SCRG1: variants seen among roughly 807,000 people sequenced by gnomAD.
SCRG1 encodes the protein scrapie-responsive protein 1.
Under a neutral mutation model 7.7 loss-of-function variants are expected in SCRG1, and 3 were observed. The ratio of observed to expected loss-of-function variants is 0.39; its 90% CI spans 0.18 to 1.01. The LOEUF is 1.01. Ranked by LOEUF, SCRG1 falls within the 50% of genes least tolerant of loss-of-function variation. The pLI, the probability that SCRG1 is intolerant of heterozygous loss-of-function variation, is 0.36. For missense variants in SCRG1, 110 were observed against 117.2 expected, an observed-to-expected ratio of 0.94 and a Z score of 0.28; for synonymous variants, 46 against 41.2, an observed-to-expected ratio of 1.12 and a Z score of -0.44.
chr4:173,394,516 C>T (rs1018342968), intron 1 of SCRG1, among the ~76,000 whole-genome samples: 2 of 151,978 alleles, frequency 1.3e-5, no homozygotes, highest in African/African-American at 2.4e-5. Context: ...TGGTGGCGAG[C>T]GCCTGTAGTC....
the SCRG1 span, among the ~76,000 whole-genome samples, chr4:173,493,470 A>T: frequency 6.6e-6 from 1 of 151,716 alleles, no homozygotes; most frequent in Non-Finnish European, 1.5e-5. Flanking sequence ...CCCAGTACAC[A>T]CCCTGGGTGT....
At chr4:173,444,824 A>C in the SCRG1 span, among the ~76,000 whole-genome samples, 1 of 152,116 alleles carries the variant, frequency 6.6e-6, no homozygotes, top group Non-Finnish European at 1.5e-5. Context: ...GGCTGAGAGA[A>C]TCTCCGAGAA....
At chr4:173,398,165 C>T (rs185867579) in intron 1 of SCRG1, 1 of 152,028 alleles carries the variant, frequency 6.6e-6, no homozygotes, top group East Asian at 1.9e-4. Flanking sequence ...GTGAAATTTC[C>T]CAAAGTATGT....
chr4:173,449,212 G>T, the SCRG1 span, among the ~76,000 whole-genome samples: 1 of 152,156 alleles, frequency 6.6e-6, no homozygotes, highest in Admixed American at 6.6e-5. Flanking sequence ...AGTTGTTGCA[G>T]GCATAAATAA....
the SCRG1 span, among the ~76,000 whole-genome samples, chr4:173,450,180 G>C: frequency 6.6e-6 from 1 of 152,240 alleles, no homozygotes; most frequent in East Asian, 1.9e-4. Context: ...CAAGCACAGG[G>C]GAAATTGCCA....
chr4:173,507,865 C>T, the SCRG1 span, among the ~76,000 whole-genome samples: 968 of 152,358 alleles, frequency 6.4e-3, 14 homozygotes, highest in African/African-American at 0.022. This position sits in a 1 kb window ranked among gnomAD's most constrained non-coding sequence, Gnocchi z 4.4. Flanking sequence ...ATGTGAAATA[C>T]TGTGGGAAAA....
the SCRG1 span, among the ~76,000 whole-genome samples, chr4:173,423,930 G>C: frequency 1.3e-5 from 2 of 152,082 alleles, no homozygotes; most frequent in Non-Finnish European, 2.9e-5. Flanking sequence ...AAATGCAAGA[G>C]AAAGAGAAAG....
At chr4:173,422,193 A>C in the SCRG1 span, among the ~76,000 whole-genome samples, 3 of 152,240 alleles carry the variant, frequency 2.0e-5, no homozygotes, top group African/African-American at 7.2e-5. Context: ...CTGTTACAGG[A>C]TCTGGCAAAT....
the SCRG1 span, among the ~76,000 whole-genome samples, chr4:173,485,090 ATATATT>A: frequency 5.2e-5 from 2 of 38,536 alleles, no homozygotes; most frequent in African/African-American, 1.4e-4. Context: ...ATAATATATT[ATATATT>A]ATATATTATA....
At chr4:173,410,338 A>C (rs140630903), upstream of SCRG1, among the ~76,000 whole-genome samples, 17 of 152,366 alleles carry the variant, frequency 1.1e-4, no homozygotes, top group African/African-American at 4.1e-4. Flanking sequence ...TTGGGCGTCC[A>C]TATGCACAGT....
the SCRG1 span, among the ~76,000 whole-genome samples, chr4:173,503,272 C>T: frequency 7.9e-5 from 12 of 152,288 alleles, no homozygotes; most frequent in South Asian, 2.1e-4. This position sits in a 1 kb window ranked among gnomAD's most constrained non-coding sequence, Gnocchi z 6.4. Flanking sequence ...GCTTGGGATC[C>T]GGCCAGCTTC....
At chr4:173,508,748 T>C in the SCRG1 span, among the ~76,000 whole-genome samples, 13 of 152,306 alleles carry the variant, frequency 8.5e-5, no homozygotes, top group African/African-American at 2.4e-4. The surrounding 1 kb of genome is among the most constrained non-coding windows in gnomAD (Gnocchi z 4.4). Context: ...CGCCTCATTC[T>C]AGACTTGAAG....
the SCRG1 span, among the ~76,000 whole-genome samples, chr4:173,476,380 A>ATATATATATATATATATATATATATAT: frequency 5.3e-4 from 73 of 138,488 alleles, no homozygotes; most frequent in Non-Finnish European, 8.0e-4. Context: ...ATATATATAT[A>ATATATATATATATATATATATATATAT]ATGAATTGAA....
At chr4:173,436,431 C>T in the SCRG1 span, among the ~76,000 whole-genome samples, 508 of 152,280 alleles carry the variant, frequency 3.3e-3, 3 homozygotes, top group African/African-American at 0.011. Flanking sequence ...TTCTCAAACT[C>T]GCAGAACCTG....
chr4:173,406,658 C>A (rs1338284693), upstream of SCRG1, among the ~76,000 whole-genome samples: 1 of 152,122 alleles, frequency 6.6e-6, no homozygotes, highest in Admixed American at 6.5e-5. Context: ...GAACTCCTGG[C>A]AGCCATTGAT....
chr4:173,389,300 C>A (rs1381661677), intron 2 of SCRG1, among the ~76,000 whole-genome samples: 1 of 152,010 alleles, frequency 6.6e-6, no homozygotes, highest in Non-Finnish European at 1.5e-5. Flanking sequence ...TTTGGGAGGC[C>A]AAGGCGGGCA....
chr4:173,445,388 C>T, the SCRG1 span, among the ~76,000 whole-genome samples: 1 of 151,828 alleles, frequency 6.6e-6, no homozygotes, highest in African/African-American at 2.4e-5. Flanking sequence ...CAAGACCAGC[C>T]TGGCCCAAAT....
At chr4:173,469,368 G>A in the SCRG1 span, 3 of 151,942 alleles carry the variant, frequency 2.0e-5, no homozygotes, top group East Asian at 1.9e-4. Context: ...TAAAATAAAT[G>A]TAGAATATTT....
the SCRG1 span, chr4:173,419,807 A>T: frequency 6.8e-7 from 1 of 1,464,026 alleles, no homozygotes; most frequent in Non-Finnish European, 9.4e-7. Flanking sequence ...AGTCACCTCC[A>T]CTTGGCCTTC....
Sources: allele counts gnomAD v4.1 joint callset (sites outside exome capture counted in the v4.1 genomes callset), GRCh38; gene constraint gnomAD v4.1.1; non-coding constraint Gnocchi (gnomAD v3.1); transcripts MANE v1.5; gene names NCBI Gene and HGNC (gene_info 2026-07-23, HGNC 2026-07-21).